Variants in ADCY1 observed in about 807,000 individuals in gnomAD.
ADCY1 encodes the protein adenylate cyclase 1, also known as adenylate cyclase type 1.
Under a neutral mutation model 105.4 loss-of-function variants are expected in ADCY1, and 28 were observed. The ratio of observed to expected loss-of-function variants is 0.27; its 90% CI spans 0.20 to 0.36. The LOEUF is 0.36. Ranked by LOEUF, ADCY1 falls within the 10% of genes least tolerant of loss-of-function variation. The pLI is 1.00. For synonymous variants in ADCY1, 655 were observed against 623.8 expected, an observed-to-expected ratio of 1.05 and a Z score of -0.75; for missense variants, 977 against 1,434.2, an observed-to-expected ratio of 0.68 and a Z score of 5.15.
intron 1 of ADCY1, among the ~76,000 whole-genome samples, chr7:45,583,414 A>G (rs893599643): frequency 1.3e-5 from 2 of 152,236 alleles, no homozygotes; most frequent in African/African-American, 4.8e-5. Context: ...GAGAAAGTCC[A>G]TGCTGGTAGC....
intron 3 of ADCY1, among the ~76,000 whole-genome samples, chr7:45,610,775 G>GGTGAGGAGGTGATGGTGGAA (rs1562687047): frequency 9.5e-6 from 1 of 104,766 alleles, no homozygotes; most frequent in Non-Finnish European, 2.1e-5. Flanking sequence ...TGATAGTGGA[G>GGTGAGGAGGTGATGGTGGAA]GTGTGGGGGT....
chr7:45,638,479 T>C (rs1041628132), intron 4 of ADCY1, among the ~76,000 whole-genome samples: 1 of 132,028 alleles, frequency 7.6e-6, no homozygotes, highest in African/African-American at 2.8e-5. Flanking sequence ...CCCAGTTTGC[T>C]CCTTTTTTTT....
In ADCY1 at chr7:45,678,202, G is replaced by T; in HGVS notation, c.1837G>T (p.Val613Phe). 6.2e-7 allele frequency: 1 copy of T among 1,614,202 alleles called. No homozygotes were observed. The highest frequency in any genetic ancestry group is 1.3e-5 in the African/African-American group (1 of 75,060). Residue 613 changes from valine (V) to phenylalanine (F), a missense_variant, in exon 10 of 20, where the codon GTT becomes TTT. Transcript: ENST00000297323. ...QLQDEYFTSA[V>F]VLTLILAALF... ...TCAGGACGAGTATTTCACCAGCGCC[G>T]TTGTCCTCACCCTCATCCTGGCTGC...
intron 4 of ADCY1, among the ~76,000 whole-genome samples, chr7:45,623,720 G>C (rs1258864399): frequency 2.0e-5 from 3 of 152,206 alleles, no homozygotes; most frequent in Admixed American, 6.5e-5. Context: ...TCCTCCCTGA[G>C]ATTTTCACGC....
chr7:45,590,760 A>G (rs952255641), intron 1 of ADCY1, among the ~76,000 whole-genome samples: 1 of 152,038 alleles, frequency 6.6e-6, no homozygotes, highest in Non-Finnish European at 1.5e-5. Context: ...ATCCTATTGG[A>G]TGTCTTGCTG....
intron 6 of ADCY1, among the ~76,000 whole-genome samples, chr7:45,659,755 T>C: frequency 6.7e-6 from 1 of 148,938 alleles, no homozygotes; most frequent in East Asian, 1.9e-4. Flanking sequence ...TCCTGATGTA[T>C]TCTTTCTCTC....
chr7:45,674,565 G>A (rs1385594930), intron 8 of ADCY1, among the ~76,000 whole-genome samples: 1 of 151,998 alleles, frequency 6.6e-6, no homozygotes, highest in Non-Finnish European at 1.5e-5. Flanking sequence ...GTGGAGACGG[G>A]GTTTCAGCAT....
In ADCY1 at chr7:45,684,876, G is replaced by A. The variant is rs549166115; in HGVS notation, c.1984-103G>A. The A allele has an allele frequency of 5.1e-4, 515 of 1,005,526 alleles. 6 individuals carry two copies. Among genetic ancestry groups the A allele is most frequent in the South Asian group, 3.9e-3 (277 of 71,006 alleles). The allele number at this position is 1,005,526 out of a possible 1,614,324, so 62.3% of individuals were successfully genotyped here. On this transcript the variant is annotated intron_variant, in intron 11 of 19. Coordinates refer to ENST00000297323, the MANE Select transcript of ADCY1 (RefSeq NM_021116.4). ...GTGAAAAACGGATGTGGACCTAGCA[G>A]CTTGCAGGTCATCTGCACATTCCAC... is the stretch of plus-strand genomic sequence containing the variant.
At chr7:45,680,830 C>T (rs1010591541) in intron 11 of ADCY1, among the ~76,000 whole-genome samples, 1 of 152,176 alleles carries the variant, frequency 6.6e-6, no homozygotes, top group Non-Finnish European at 1.5e-5. Flanking sequence ...GTGTGCCCAC[C>T]CAATGGTGTA....
At chr7:45,601,924 G>A (rs75149833) in intron 2 of ADCY1, among the ~76,000 whole-genome samples, 9,637 of 152,156 alleles carry the variant, frequency 0.063, 311 homozygotes, top group Non-Finnish European at 0.068. Context: ...TTGGGGCAGG[G>A]CAGAGGACGC....
At chr7:45,610,518 G>A (rs1793505731) in intron 3 of ADCY1, 21 bp downstream of exon 3, 1 of 1,597,724 alleles carries the variant, frequency 6.3e-7, no homozygotes, top group African/African-American at 1.3e-5. Context: ...TGCTGACCCG[G>A]CACAGCGGGG....
intron 8 of ADCY1, among the ~76,000 whole-genome samples, chr7:45,664,902 G>C (rs930275043): frequency 6.6e-6 from 1 of 152,070 alleles, no homozygotes; most frequent in African/African-American, 2.4e-5. Flanking sequence ...CATGCATTAG[G>C]TATTTGTCCT....
chr7:45,612,944 C>T (rs1395707065), intron 3 of ADCY1, among the ~76,000 whole-genome samples: 1 of 152,040 alleles, frequency 6.6e-6, no homozygotes, highest in African/African-American at 2.4e-5. Flanking sequence ...GGTAAAGCAC[C>T]AGAATCTGTG....
chr7:45,657,912 G>C, intron 6 of ADCY1, 27 bp downstream of exon 6: 1 of 708,640 alleles, frequency 1.4e-6, no homozygotes, highest in Non-Finnish European at 2.4e-6. Flanking sequence ...GTGGGGAGGG[G>C]AGGGAGGTGG....
Position 45,686,187 on chromosome 7 carries a change from C to T in ADCY1, c.2299C>T (p.Leu767=). The change falls in exon 13 of 20, where the codon CTG becomes TTG. Residue 767 remains leucine, a synonymous_variant. Transcript: ENST00000297323. This position sits in a 1 kb window ranked among gnomAD's most constrained non-coding sequence, Gnocchi z 4.3. Reference sequence around the variant, plus strand: ...GCTCACCACGTCCTACATCCTCGTTCTGGAGCTCAGCGGATACACCAGGAC... The same window carrying T: ...GCTCACCACGTCCTACATCCTCGTTTTGGAGCTCAGCGGATACACCAGGAC... The part of the protein sequence containing the change: ...SGLTTSYILV[L]ELSGYTRTGG... 6.2e-7 allele frequency: 1 copy of T among 1,614,102 alleles called. No homozygotes were observed.
chr7:45,633,529 C>T (rs1051039803), intron 4 of ADCY1, among the ~76,000 whole-genome samples: 1 of 152,114 alleles, frequency 6.6e-6, no homozygotes, highest in Non-Finnish European at 1.5e-5. Context: ...CAAGGCCCGG[C>T]ACGGTGGCTC....
At chr7:45,667,691 A>G (rs1332211214) in intron 8 of ADCY1, among the ~76,000 whole-genome samples, 2 of 152,106 alleles carry the variant, frequency 1.3e-5, no homozygotes, top group Non-Finnish European at 2.9e-5. Flanking sequence ...CTTGATGGGG[A>G]TGGCATTGAA....
chr7:45,661,717 C>G (rs186112174), intron 7 of ADCY1, among the ~76,000 whole-genome samples: 2 of 152,144 alleles, frequency 1.3e-5, no homozygotes, highest in African/African-American at 4.8e-5. Context: ...GGAAACTGAA[C>G]GGGGTAACAA....
rs1794924363 is a variant in ADCY1 at position 45,655,797 on chromosome 7, CCG to C, written c.1149-1929_1149-1928del. On this transcript the variant is annotated intron_variant, in intron 5 of 19. Transcript: ENST00000297323. ...AGGTGGGCATGGGTCCCAGAAGTCT[CCG>C]TGCCATTTACTGTTTCATGGCTTCG... Among the ~76,000 whole-genome samples, 4 of 152,150 alleles carry C rather than the reference CCG, an allele frequency of 2.6e-5. No individual in the cohort carries two copies. In the South Asian group the frequency reaches 8.3e-4, roughly 32 times the overall value.
Sources: allele counts gnomAD v4.1 joint callset (sites outside exome capture counted in the v4.1 genomes callset), GRCh38; gene constraint gnomAD v4.1.1; non-coding constraint Gnocchi (gnomAD v3.1); transcripts MANE v1.5; gene names NCBI Gene and HGNC (gene_info 2026-07-23, HGNC 2026-07-21).